Variants in LINGO2 observed in about 807,000 individuals in gnomAD.
LINGO2 encodes leucine-rich repeat and immunoglobulin-like domain-containing nogo receptor-interacting protein 2.
In LINGO2, 14 loss-of-function variants were observed where a neutral mutation model predicts 30.6. That is an observed-to-expected ratio of 0.46 (90% CI 0.30 to 0.72). The LOEUF is 0.72. Ranked by LOEUF, LINGO2 falls within the 30% of genes least tolerant of loss-of-function variation. The pLI, the probability that LINGO2 is intolerant of heterozygous loss-of-function variation, is 0.07. For missense variants in LINGO2, 729 were observed against 751.7 expected (o/e 0.97, Z 0.35); for synonymous variants, 317 against 288.5 (o/e 1.10, Z -1.00).
the LINGO2 span, among the ~76,000 whole-genome samples, chr9:28,728,409 G>T: frequency 6.7e-6 from 1 of 150,238 alleles, no homozygotes; most frequent in Non-Finnish European, 1.5e-5. Flanking sequence ...AATTGCAAAT[G>T]AAAAAAAAGA....
the LINGO2 span, among the ~76,000 whole-genome samples, chr9:28,771,281 G>A: frequency 2.8e-5 from 4 of 140,466 alleles, no homozygotes; most frequent in African/African-American, 1.0e-4. Context: ...TTTTTTTTTT[G>A]GTGGAAATAA....
At chr9:28,345,892 C>T (rs1819545357) in intron 3 of LINGO2, among the ~76,000 whole-genome samples, 1 of 152,132 alleles carries the variant, frequency 6.6e-6, no homozygotes, top group Non-Finnish European at 1.5e-5. Flanking sequence ...ATATAAACAA[C>T]ACCCACATAA....
chr9:28,198,079 A>C (rs1820078340), intron 4 of LINGO2, among the ~76,000 whole-genome samples: 1 of 148,474 alleles, frequency 6.7e-6, no homozygotes, highest in Admixed American at 6.8e-5. Context: ...AATTACATTC[A>C]CTTTTTTTTT....
intron 4 of LINGO2, among the ~76,000 whole-genome samples, chr9:28,058,982 G>A (rs1448955942): frequency 2.6e-5 from 4 of 152,026 alleles, no homozygotes; most frequent in Admixed American, 6.6e-5. Flanking sequence ...TTATGATGGT[G>A]TATATCAAAA....
intron 1 of LINGO2, among the ~76,000 whole-genome samples, chr9:28,658,828 T>C (rs967841940): frequency 1.3e-5 from 2 of 152,060 alleles, no homozygotes. Context: ...TCAATGTTAA[T>C]TTCCTGATTT....
chr9:28,361,192 G>T (rs553277200), intron 3 of LINGO2, among the ~76,000 whole-genome samples: 2 of 152,264 alleles, frequency 1.3e-5, no homozygotes, highest in South Asian at 4.1e-4. Context: ...TTGTATTGAG[G>T]TAATGCTTAT....
chr9:28,474,425 A>G (rs1281772063), intron 2 of LINGO2, among the ~76,000 whole-genome samples: 1 of 152,076 alleles, frequency 6.6e-6, no homozygotes, highest in Non-Finnish European at 1.5e-5. Context: ...AAAACTTGAG[A>G]AAGTTTTTCA....
chr9:28,631,049 T>G (rs186673719), intron 1 of LINGO2, among the ~76,000 whole-genome samples: 110 of 152,120 alleles, frequency 7.2e-4, no homozygotes, highest in African/African-American at 2.6e-3. Context: ...TGCAACAGTA[T>G]GTAAATCTAT....
intron 2 of LINGO2, among the ~76,000 whole-genome samples, chr9:28,421,640 T>A (rs1010120797): frequency 5.3e-5 from 8 of 152,096 alleles, no homozygotes; most frequent in African/African-American, 1.9e-4. Flanking sequence ...AGAACCCACA[T>A]ATGTGAAAAG....
the LINGO2 span, among the ~76,000 whole-genome samples, chr9:29,109,259 T>C: frequency 1.3e-5 from 2 of 152,172 alleles, no homozygotes; most frequent in African/African-American, 4.8e-5. Flanking sequence ...ATGCCCAAAG[T>C]AGTCTTTGCT....
At chr9:28,314,713 G>A (rs756070470) in intron 3 of LINGO2, among the ~76,000 whole-genome samples, 3 of 152,080 alleles carry the variant, frequency 2.0e-5, no homozygotes, top group Admixed American at 1.3e-4. Context: ...GGCCGGGCGC[G>A]GTGGCTCACG....
intron 1 of LINGO2, among the ~76,000 whole-genome samples, chr9:28,509,584 C>G (rs1820288349): frequency 6.6e-6 from 1 of 152,308 alleles, no homozygotes; most frequent in East Asian, 1.9e-4. Flanking sequence ...CCCAATGTGA[C>G]TATATTGAGA....
At chr9:28,325,772 T>G (rs757743573) in intron 3 of LINGO2, among the ~76,000 whole-genome samples, 15 of 152,146 alleles carry the variant, frequency 9.9e-5, no homozygotes, top group Non-Finnish European at 2.2e-4. Context: ...TATGCCTTTA[T>G]AGGCAGTGTG....
At chr9:28,857,171 T>G in the LINGO2 span, among the ~76,000 whole-genome samples, 1 of 151,980 alleles carries the variant, frequency 6.6e-6, no homozygotes, top group East Asian at 1.9e-4. Flanking sequence ...AGATAAAGTC[T>G]GTTAATTGTT....
At chr9:27,952,475 A>G (rs898596644) in intron 5 of LINGO2, among the ~76,000 whole-genome samples, 1 of 152,030 alleles carries the variant, frequency 6.6e-6, no homozygotes, top group African/African-American at 2.4e-5. Context: ...AAGAAAACAT[A>G]TATGAAAATA....
intron 5 of LINGO2, among the ~76,000 whole-genome samples, chr9:27,963,505 G>T (rs891372161): frequency 6.6e-6 from 1 of 152,012 alleles, no homozygotes; most frequent in Non-Finnish European, 1.5e-5. Flanking sequence ...GAAAGTTTAG[G>T]AGGAAACAGC....
At chr9:28,297,798 A>G (rs1823979606) in intron 3 of LINGO2, among the ~76,000 whole-genome samples, 1 of 152,220 alleles carries the variant, frequency 6.6e-6, no homozygotes, top group Non-Finnish European at 1.5e-5. Context: ...TTGATAGTAC[A>G]ATAACATCTA....
the LINGO2 span, among the ~76,000 whole-genome samples, chr9:28,773,666 G>A: frequency 6.6e-6 from 1 of 152,132 alleles, no homozygotes; most frequent in Non-Finnish European, 1.5e-5. Context: ...ATTATTCACT[G>A]TTTGACCAAA....
intron 1 of LINGO2, among the ~76,000 whole-genome samples, chr9:28,669,058 T>C (rs1435510516): frequency 5.3e-5 from 8 of 152,110 alleles, no homozygotes; most frequent in Non-Finnish European, 8.8e-5. Flanking sequence ...TAATTTACCC[T>C]AGTTACCCCT....
Sources: allele counts gnomAD v4.1 joint callset (sites outside exome capture counted in the v4.1 genomes callset), GRCh38; gene constraint gnomAD v4.1.1; transcripts MANE v1.5; gene names NCBI Gene and HGNC (gene_info 2026-07-23, HGNC 2026-07-21).